CPLX1: variants seen among roughly 807,000 people sequenced by gnomAD.
The protein encoded by CPLX1 is complexin-1.
Under a neutral mutation model 15.6 loss-of-function variants are expected in CPLX1, and 6 were observed. The observed-to-expected ratio is 0.39, with a 90% CI of 0.21 to 0.76. The LOEUF (loss-of-function observed/expected upper bound fraction) is 0.76, where lower values mean the gene tolerates loss of function less well. CPLX1 is among the 30% of genes least tolerant of loss of function. CPLX1 has a pLI of 0.43. For synonymous variants in CPLX1, 91 were observed against 75.2 expected (o/e 1.21, Z -1.08); for missense variants, 242 against 188.6 (o/e 1.28, Z -1.66).
intron 3 of CPLX1, among the ~76,000 whole-genome samples, chr4:791,943 T>C (rs1196741988): frequency 6.6e-6 from 1 of 152,126 alleles, no homozygotes; most frequent in African/African-American, 2.4e-5. Context: ...CTGTGCCTCG[T>C]GCCCCTCGGA....
chr4:805,969 GTGTT>G (rs1445446304), intron 2 of CPLX1, among the ~76,000 whole-genome samples: 11 of 152,174 alleles, frequency 7.2e-5, no homozygotes, highest in Admixed American at 3.3e-4. Flanking sequence ...TGGGGAGTGA[GTGTT>G]TAGTGTAGAC....
At chr4:824,720 G>A (rs774406370) in intron 1 of CPLX1, 119 bp from the exon 2 acceptor site, 32 of 709,714 alleles carry the variant, frequency 4.5e-5, no homozygotes, top group Non-Finnish European at 7.4e-5. Context: ...CACCTGGAGC[G>A]GCTGCCTGGG....
intron 2 of CPLX1, among the ~76,000 whole-genome samples, chr4:793,517 G>A (rs1023889763): frequency 2.0e-5 from 3 of 152,186 alleles, no homozygotes; most frequent in South Asian, 2.1e-4. Flanking sequence ...CAGGCACTGC[G>A]GGGAGCCCTG....
intron 3 of CPLX1, chr4:787,905 G>A (rs1439617107): frequency 1.0e-6 from 1 of 985,300 alleles, no homozygotes; most frequent in Non-Finnish European, 1.2e-6. Context: ...GGAAGGATTG[G>A]GGGCCTGGTG....
chr4:800,754 T>TATAC (rs1491212776), intron 2 of CPLX1, among the ~76,000 whole-genome samples: 6 of 129,694 alleles, frequency 4.6e-5, no homozygotes, highest in Admixed American at 4.1e-4. Flanking sequence ...TATATATATA[T>TATAC]ACACACACAT....
At chr4:820,852 C>T (rs1427100412) in intron 2 of CPLX1, among the ~76,000 whole-genome samples, 2 of 152,184 alleles carry the variant, frequency 1.3e-5, no homozygotes, top group South Asian at 2.1e-4. Flanking sequence ...CCGGTGGCCC[C>T]CACAAGCCCC....
intron 2 of CPLX1, among the ~76,000 whole-genome samples, chr4:811,904 C>T (rs62294155): frequency 6.6e-6 from 1 of 152,150 alleles, no homozygotes; most frequent in Non-Finnish European, 1.5e-5. Context: ...GCAGTTGAGA[C>T]CATGATGTCC....
rs1443921690 is a variant in CPLX1 at position 826,080 on chromosome 4, G to A, written c.-114C>T. On this transcript the variant is annotated 5_prime_UTR_variant, in exon 1 of 4. Transcript: ENST00000304062. ...GCGCGGGCGGTCAGCGGCGGGGCGC[G>A]CTCGGGCCGGCTGGGTCCATGTGGC... The A allele has an allele frequency of 6.9e-6, 1 of 145,726 alleles. No individual in the cohort carries two copies. Among genetic ancestry groups the A allele is most frequent in the South Asian group, 2.1e-4 (1 of 4,782 alleles). The allele number at this position is 145,726 out of a possible 1,614,324, so 9.0% of individuals were successfully genotyped here. A position where few individuals can be genotyped will look rare whatever the true frequency, so the allele number is the denominator to read the frequency against.
chr4:797,584 C>G (rs962936719), intron 2 of CPLX1, among the ~76,000 whole-genome samples: 86 of 151,902 alleles, frequency 5.7e-4, no homozygotes, highest in African/African-American at 1.7e-3. Context: ...CCTCGGCCTC[C>G]CAAAGTGCTG....
chr4:786,789 C>T lies in CPLX1; in HGVS notation c.208-91G>A, dbSNP rs1222948466. On this transcript the variant is annotated intron_variant, in intron 3 of 3. Transcript: ENST00000304062. ...CGCCAGGGACTGGCCCAGGAACCCC[C>T]GAAGGCGTGGGTGCGGCCCCCTACC... 9 of 1,476,540 alleles carry T rather than the reference C, an allele frequency of 6.1e-6. No individual in the cohort carries two copies. In the East Asian group the frequency reaches 1.2e-4, roughly 20 times the overall value. The allele number at this position is 1,476,540 out of a possible 1,614,324, so 91.5% of individuals were successfully genotyped here. A position where few individuals can be genotyped will look rare whatever the true frequency, so the allele number is the denominator to read the frequency against.
chr4:800,849 G>GTATGTGTATATA (rs780944755), intron 2 of CPLX1, among the ~76,000 whole-genome samples: 2 of 131,688 alleles, frequency 1.5e-5, no homozygotes, highest in African/African-American at 5.6e-5. Context: ...GTATATATAT[G>GTATGTGTATATA]TATATATATA....
At chr4:803,089 C>A (rs915772351) in intron 2 of CPLX1, among the ~76,000 whole-genome samples, 1 of 152,146 alleles carries the variant, frequency 6.6e-6, no homozygotes, top group African/African-American at 2.4e-5. Context: ...ATAGGAACTT[C>A]ATTGCCATCT....
intron 2 of CPLX1, among the ~76,000 whole-genome samples, chr4:812,782 A>G (rs921661065): frequency 2.0e-5 from 3 of 151,946 alleles, no homozygotes; most frequent in African/African-American, 7.2e-5. Context: ...AACACTGAGC[A>G]TCCTAATGCT....
intron 1 of CPLX1, 22 bp from the exon 2 acceptor site, chr4:824,623 A>G (rs1191278748): frequency 1.5e-6 from 2 of 1,308,568 alleles, no homozygotes; most frequent in Non-Finnish European, 2.2e-6. Flanking sequence ...TGAAGTGGTC[A>G]CAGGTCACCC....
intron 3 of CPLX1, chr4:786,993 A>ACCCAG: frequency 1.0e-6 from 1 of 985,276 alleles, no homozygotes. Flanking sequence ...CTGGCTCCAA[A>ACCCAG]CCCAGCCCAG....
rs905875142 is a variant in CPLX1, at chr4:824,980, C to T, written c.-79-379G>A. 3.2e-4 allele frequency: 114 copies of T among 358,676 alleles called. No homozygotes were observed. The Admixed American group carries it at 4.0e-3, about 13-fold the overall frequency. The allele number at this position is 358,676 out of a possible 1,614,324, so 22.2% of individuals were successfully genotyped here. On this transcript the variant is annotated intron_variant, in intron 1 of 3. Transcript: ENST00000304062. ...CGGCGCCTCCGCGGTGGTCCCGAGC[C>T]CAGGGCCGTGGAGAAGGGTTGGGGG...
chr4:818,708 C>T (rs1746806857), intron 2 of CPLX1, among the ~76,000 whole-genome samples: 2 of 152,272 alleles, frequency 1.3e-5, no homozygotes, highest in South Asian at 2.1e-4. Flanking sequence ...CGCCATCTGC[C>T]GCCGAGCTTG....
chr4:824,851 G>C (rs764977422), intron 1 of CPLX1: 1 of 538,466 alleles, frequency 1.9e-6, no homozygotes, highest in Non-Finnish European at 3.5e-6. Context: ...TGATGGCTTA[G>C]GGGGCATCGC....
At chr4:814,558 G>A (rs1262824836) in intron 2 of CPLX1, among the ~76,000 whole-genome samples, 1 of 152,238 alleles carries the variant, frequency 6.6e-6, no homozygotes, top group East Asian at 1.9e-4. Flanking sequence ...CGGAGATGGA[G>A]GATGGCCCCC....
Sources: allele counts gnomAD v4.1 joint callset (sites outside exome capture counted in the v4.1 genomes callset), GRCh38; gene constraint gnomAD v4.1.1; transcripts MANE v1.5; gene names NCBI Gene and HGNC (gene_info 2026-07-23, HGNC 2026-07-21).